MROH2B: variants seen among roughly 807,000 people sequenced by gnomAD.
MROH2B encodes the protein maestro heat like repeat family member 2B.
In MROH2B, 177 loss-of-function variants were observed where a neutral mutation model predicts 208.6. That is an observed-to-expected ratio of 0.85 (90% confidence interval 0.75 to 0.96). The LOEUF is 0.96. Ranked by LOEUF, MROH2B falls within the 40% of genes least tolerant of loss-of-function variation. MROH2B has a pLI of 0.00. For missense variants in MROH2B, 2,002 were observed against 1,878.7 expected, an observed-to-expected ratio of 1.07 and a Z score of -1.21; for synonymous variants, 728 against 659.0, an observed-to-expected ratio of 1.10 and a Z score of -1.60.
intron 20 of MROH2B, among the ~76,000 whole-genome samples, 194 bp from the exon 21 acceptor site, chr5:41,039,082 C>T (rs1401585211): frequency 6.6e-6 from 1 of 152,062 alleles, no homozygotes; most frequent in African/African-American, 2.4e-5. Context: ...GATGATCAGG[C>T]CTTCAGAGAG....
chr5:41,044,522 C>A (rs1263001025), intron 18 of MROH2B, among the ~76,000 whole-genome samples: 2 of 152,160 alleles, frequency 1.3e-5, no homozygotes, highest in African/African-American at 4.8e-5. Context: ...ACGGGTACCA[C>A]CATTATTCTA....
At position 41,000,371 on chromosome 5, in the gene MROH2B, G is replaced by T. The variant is rs1331894909; in HGVS notation, c.4351-20C>A. Reference sequence around the variant, plus strand: ...GCAAGCCTGGAAAACAGAGTTTTCTGCATCACAGTCCAGAACGTTAGGATC... The same window carrying T: ...GCAAGCCTGGAAAACAGAGTTTTCTTCATCACAGTCCAGAACGTTAGGATC... On this transcript the variant is annotated intron_variant, in intron 38 of 41. Coordinates refer to ENST00000399564, the MANE Select transcript of MROH2B (RefSeq NM_173489.5). 1 of 1,612,570 alleles carries T rather than the reference G, an allele frequency of 6.2e-7. No homozygotes were observed. Among genetic ancestry groups the T allele is most frequent in the South Asian group, 1.1e-5 (1 of 90,850 alleles).
At chr5:41,005,294 C>A (rs532816338) in intron 35 of MROH2B, 23 of 536,794 alleles carry the variant, frequency 4.3e-5, no homozygotes, top group Non-Finnish European at 6.3e-5. Context: ...ATTTATTGTC[C>A]CCCTTTCTCT....
rs1261650006 is a variant in MROH2B at position 40,998,620 on chromosome 5, A to C, written c.4643T>G (p.Leu1548Arg). The C allele has an allele frequency of 1.3e-6, 2 of 1,596,088 alleles. No homozygotes were observed. Among genetic ancestry groups the C allele is most frequent in the Admixed American group, 1.7e-5 (1 of 57,372 alleles). The change falls in exon 41 of 42, where the codon CTG (leucine) becomes CGG (arginine). Residue 1548 changes from leucine to arginine, a missense_variant. Transcript: ENST00000399564. ...QYVELLDREQLTTRLQALRQD... is the reference protein window; with the variant it reads ...QYVELLDREQRTTRLQALRQD... ...ACTAGGTTGGTACTCACGTGTGGTC[A>C]GTTGTTCTCTGTCTAGTAACTCCAC...
chr5:41,037,771 G>A (rs1199074808), intron 21 of MROH2B, among the ~76,000 whole-genome samples: 23 of 152,188 alleles, frequency 1.5e-4, no homozygotes, highest in Admixed American at 1.5e-3. Context: ...TCACTTGAAA[G>A]TTTTAAGCAT....
At position 41,018,820 on chromosome 5, in the gene MROH2B, TG is replaced by T. The variant is rs550582632; in HGVS notation, c.2578-35del. The T allele has an allele frequency of 5.1e-3, 8,187 of 1,613,674 alleles. 30 individuals carry two copies. Among genetic ancestry groups the T allele is most frequent in the Non-Finnish European group, 6.4e-3 (7,529 of 1,179,722 alleles). The stretch of plus-strand genomic sequence containing the variant: ...AAATATGTGTGTGTGAGTCTCAGGC[TG>T]GGGTGAGAGAGTAAGGCCCCACTGC... On this transcript the variant is annotated intron_variant, in intron 25 of 41. Coordinates refer to ENST00000399564, the MANE Select transcript of MROH2B (RefSeq NM_173489.5).
At chr5:41,025,178 T>TAAGGC (rs1320628185) in intron 24 of MROH2B, among the ~76,000 whole-genome samples, 23 of 151,600 alleles carry the variant, frequency 1.5e-4, no homozygotes, top group Non-Finnish European at 5.9e-5. Context: ...AAGAAATAAC[T>TAAGGC]AAGATCAGAG....
intron 30 of MROH2B, 134 bp from the exon 31 acceptor site, chr5:41,010,213 T>C: frequency 1.2e-6 from 1 of 816,172 alleles, no homozygotes. Context: ...TGATTTCACA[T>C]GTGGCCTATT....
chr5:41,036,122 T>TTA (rs199639182), intron 21 of MROH2B, among the ~76,000 whole-genome samples: 1 of 130,234 alleles, frequency 7.7e-6, no homozygotes, highest in South Asian at 2.7e-4. Context: ...GATACATATA[T>TTA]TATATATACA....
At chr5:41,057,408 G>T in intron 7 of MROH2B, 48 bp from the exon 8 acceptor site, 1 of 1,402,104 alleles carries the variant, frequency 7.1e-7, no homozygotes, top group Non-Finnish European at 9.9e-7. Context: ...CAGGGAAGCA[G>T]CTGCACAGGA....
intron 21 of MROH2B, among the ~76,000 whole-genome samples, chr5:41,035,844 C>T (rs375011827): frequency 7.2e-5 from 11 of 151,736 alleles, no homozygotes; most frequent in Admixed American, 1.3e-4. Flanking sequence ...CAAAAACAGA[C>T]GCTGGTGAGG....
chr5:41,008,106 A>G (rs1184555914), intron 33 of MROH2B, among the ~76,000 whole-genome samples: 1 of 152,202 alleles, frequency 6.6e-6, no homozygotes, highest in Non-Finnish European at 1.5e-5. Context: ...CATAATCCTA[A>G]AAGAGTTCTT....
intron 4 of MROH2B, 100 bp downstream of exon 4, chr5:41,065,231 G>T: frequency 8.7e-7 from 1 of 1,152,462 alleles, no homozygotes; most frequent in Non-Finnish European, 1.2e-6. Flanking sequence ...TACAGAAGAA[G>T]GCAGAGATGC....
intron 24 of MROH2B, among the ~76,000 whole-genome samples, chr5:41,026,339 C>T (rs1742359546): frequency 1.3e-5 from 2 of 152,204 alleles, no homozygotes; most frequent in Admixed American, 6.5e-5. Flanking sequence ...TCAGCAAAGT[C>T]TCAGGATACA....
Position 40,998,075 on chromosome 5 carries a change from T to C in MROH2B, c.4735A>G (p.Lys1579Glu). The change falls in exon 42 of 42, where the codon AAA (lysine) becomes GAA (glutamate). Residue 1579 changes from lysine (K) to glutamate (E), a missense_variant. Physicochemically the swap from Lys to Glu is moderately conservative, Grantham distance 56. Coordinates refer to ENST00000399564, the MANE Select transcript of MROH2B (RefSeq NM_173489.5). The part of the protein sequence containing the change: ...AALQTLLRRC[K>E]ETSIPL ...GCTTACAGAGGAATGCTTGTCTCTT[T>C]ACACCTTCTCAGGAGGGTTTGCAAA... The C allele has an allele frequency of 1.2e-6, 2 of 1,611,820 alleles. No homozygotes were observed. Among genetic ancestry groups the C allele is most frequent in the Non-Finnish European group, 1.7e-6 (2 of 1,178,224 alleles).
chr5:41,049,328 G>T lies in MROH2B; in HGVS notation c.1453C>A (p.Gln485Lys), dbSNP rs2150175466. ...GCTGTCGACTCCTTGGCACTGTGCTGCTTCTTCTCCTCTGCCATAATCAGA... is the reference window on the plus strand; with the variant it reads ...GCTGTCGACTCCTTGGCACTGTGCTTCTTCTTCTCCTCTGCCATAATCAGA... ...RILIMAEEKK[Q>K]HSAKESTALV... is the part of the protein sequence containing the mutation. The change falls in exon 14 of 42, where the codon CAG (glutamine) becomes AAG (lysine). Residue 485 changes from glutamine (Q) to lysine (K), a missense_variant. Gln to Lys is a moderately conservative substitution (Grantham distance 53). Coordinates refer to ENST00000399564, the MANE Select transcript of MROH2B (RefSeq NM_173489.5). 1.2e-6 allele frequency: 2 copies of T among 1,613,730 alleles called. No homozygotes were observed. The highest frequency in any genetic ancestry group is 1.7e-6 in the Non-Finnish European group (2 of 1,179,770).
chr5:41,007,724 T>G (rs1370402311), intron 33 of MROH2B, among the ~76,000 whole-genome samples: 1 of 152,072 alleles, frequency 6.6e-6, no homozygotes, highest in Non-Finnish European at 1.5e-5. Context: ...AAGTGAAAAA[T>G]ACCATATTTC....
chr5:41,014,266 G>T (rs1702605790), intron 29 of MROH2B, among the ~76,000 whole-genome samples: 1 of 152,070 alleles, frequency 6.6e-6, no homozygotes, highest in Non-Finnish European at 1.5e-5. Context: ...TTCAAAATTG[G>T]CATAATTATG....
chr5:41,042,286 T>C, intron 18 of MROH2B, 78 bp from the exon 19 acceptor site: 1 of 852,936 alleles, frequency 1.2e-6, no homozygotes, highest in Non-Finnish European at 1.9e-6. Context: ...AGAGTTAAAA[T>C]AATCATCTGA....
Sources: gnomAD v4.1 joint callset for allele counts (sites outside exome capture counted in the v4.1 genomes callset) on GRCh38, gnomAD v4.1.1 for gene constraint, MANE v1.5 for transcripts, NCBI Gene and HGNC (gene_info 2026-07-23, HGNC 2026-07-21) for gene names.